AGPS: variants seen among roughly 807,000 people sequenced by gnomAD.
AGPS encodes alkylglycerone phosphate synthase, also known as alkyldihydroxyacetonephosphate synthase, peroxisomal.
A neutral mutation model predicts 90.7 loss-of-function variants in AGPS; 26 were observed. The ratio of observed to expected loss-of-function variants is 0.29; its 90% CI spans 0.21 to 0.40. The LOEUF (loss-of-function observed/expected upper bound fraction) is 0.40, where lower values mean the gene tolerates loss of function less well. Among genes scored for constraint, AGPS ranks in the 10% least tolerant of loss-of-function variants. The probability of loss-of-function intolerance (pLI) is 1.00; values close to 1 mark genes in which losing one functional copy is unlikely to be tolerated. For missense variants in AGPS, 540 were observed against 816.1 expected (o/e 0.66, Z 4.12); for synonymous variants, 294 against 285.3 (o/e 1.03, Z -0.31).
chr2:177,460,263 A>G (rs1263816838), intron 8 of AGPS, among the ~76,000 whole-genome samples: 2 of 152,184 alleles, frequency 1.3e-5, no homozygotes, highest in African/African-American at 4.8e-5. Flanking sequence ...GTGTATACCT[A>G]TGTAACAAAA....
chr2:177,403,632 A>T lies in AGPS; in HGVS notation c.260+10583A>T, dbSNP rs562697649. On this transcript the variant is annotated intron_variant, in intron 1 of 19. Transcript: ENST00000264167. Reference sequence around the variant, plus strand: ...TTGCAGAAAAAAATAGAAAATAATAATCAAAATGAAGACTAACATTAAGAG... The same window carrying T: ...TTGCAGAAAAAAATAGAAAATAATATTCAAAATGAAGACTAACATTAAGAG... Among the ~76,000 whole-genome samples, 7 of 152,316 alleles carry T rather than the reference A, an allele frequency of 4.6e-5. No homozygotes were observed. The South Asian group carries it at 1.5e-3, about 32-fold the overall frequency.
intron 1 of AGPS, among the ~76,000 whole-genome samples, chr2:177,397,428 C>T (rs150244834): frequency 6.7e-6 from 1 of 150,300 alleles, no homozygotes; most frequent in African/African-American, 2.4e-5. Context: ...ATGTCAATTA[C>T]ATATGTGACA....
intron 8 of AGPS, among the ~76,000 whole-genome samples, chr2:177,449,331 T>C (rs1184064100): frequency 6.6e-6 from 1 of 152,242 alleles, no homozygotes; most frequent in Non-Finnish European, 1.5e-5. Context: ...GAGTTCCAGT[T>C]TCTCCATATC....
chr2:177,493,158 C>T lies in AGPS; in HGVS notation c.1244C>T (p.Pro415Leu), dbSNP rs144444120. ...LREIAKQRCA[P>L]ASIRLMDNKQ... ...TTCTTTTTAAAACAGAGATGTGCTC[C>T]GGCATCTATTCGCCTCATGGACAAC... Residue 415 changes from proline (P) to leucine (L), a missense_variant, in exon 12 of 20, where the codon CCG (proline) becomes CTG (leucine). Transcript: ENST00000264167. 5.1e-5 allele frequency: 83 copies of T among 1,612,952 alleles called. No individual in the cohort carries two copies. Among genetic ancestry groups the T allele is most frequent in the Middle Eastern group, 1.7e-4 (1 of 6,006 alleles).
At chr2:177,454,932 G>A (rs935617333) in intron 8 of AGPS, among the ~76,000 whole-genome samples, 3 of 152,024 alleles carry the variant, frequency 2.0e-5, no homozygotes, top group Admixed American at 1.3e-4. Flanking sequence ...TAATCTACTG[G>A]TGTCCAGCCC....
At chr2:177,433,942 A>G (rs1404365386) in intron 2 of AGPS, among the ~76,000 whole-genome samples, 1 of 151,910 alleles carries the variant, frequency 6.6e-6, no homozygotes, top group Non-Finnish European at 1.5e-5. Flanking sequence ...TTCACCCCAA[A>G]CACTGTGCTC....
intron 8 of AGPS, among the ~76,000 whole-genome samples, chr2:177,459,047 CA>C (rs1456807684): frequency 6.6e-6 from 1 of 152,172 alleles, no homozygotes; most frequent in Non-Finnish European, 1.5e-5. Flanking sequence ...TAATCTTTCA[CA>C]AACCTGATAC....
At chr2:177,474,678 A>G (rs948798895) in intron 10 of AGPS, among the ~76,000 whole-genome samples, 1 of 152,172 alleles carries the variant, frequency 6.6e-6, no homozygotes, top group Non-Finnish European at 1.5e-5. Flanking sequence ...CCATCTATGT[A>G]TATATTTTTT....
intron 19 of AGPS, among the ~76,000 whole-genome samples, chr2:177,529,420 G>A (rs2079117595): frequency 6.6e-6 from 1 of 152,034 alleles, no homozygotes; most frequent in African/African-American, 2.4e-5. Flanking sequence ...CAGTGAGCTG[G>A]CATCGCACCA....
intron 17 of AGPS, among the ~76,000 whole-genome samples, chr2:177,516,287 AT>A (rs1360783192): frequency 6.6e-6 from 1 of 152,170 alleles, no homozygotes; most frequent in Non-Finnish European, 1.5e-5. Context: ...TGGAATAGAA[AT>A]TCCAGTCCAA....
chr2:177,459,677 G>A (rs528821240), intron 8 of AGPS, among the ~76,000 whole-genome samples: 1 of 152,318 alleles, frequency 6.6e-6, no homozygotes, highest in Non-Finnish European at 1.5e-5. Context: ...AACATATGCT[G>A]GAGAGGTTGT....
intron 17 of AGPS, among the ~76,000 whole-genome samples, chr2:177,516,672 T>C (rs1409232888): frequency 6.6e-6 from 1 of 152,142 alleles, no homozygotes; most frequent in African/African-American, 2.4e-5. Context: ...GTGTAATACA[T>C]AGATGCTGGA....
At chr2:177,480,098 T>C (rs888399613) in intron 10 of AGPS, among the ~76,000 whole-genome samples, 1 of 152,122 alleles carries the variant, frequency 6.6e-6, no homozygotes, top group Non-Finnish European at 1.5e-5. Context: ...AGAATTTACT[T>C]GAACCCAGGA....
intron 2 of AGPS, among the ~76,000 whole-genome samples, chr2:177,428,748 C>T (rs574416478): frequency 6.6e-6 from 1 of 152,244 alleles, no homozygotes; most frequent in African/African-American, 2.4e-5. Flanking sequence ...CTACCCATAA[C>T]ATTTTTTCTC....
chr2:177,480,389 A>G (rs1241819627), intron 10 of AGPS, among the ~76,000 whole-genome samples: 1 of 152,324 alleles, frequency 6.6e-6, no homozygotes, highest in East Asian at 1.9e-4. Context: ...ATGGAATACT[A>G]TGCAGCCATA....
Position 177,470,435 on chromosome 2 carries a change from G to A in AGPS, c.1105+1911G>A, listed in dbSNP as rs552725031. On this transcript the variant is annotated intron_variant, in intron 10 of 19. Coordinates refer to ENST00000264167, the MANE Select transcript of AGPS (RefSeq NM_003659.4). The stretch of plus-strand genomic sequence containing the variant: ...TATAAGAGATTGGGCTGGGCGTGGT[G>A]GCTCACACCTGTAATCCCAGCACTT... Among the ~76,000 whole-genome samples, 32 of 152,234 alleles carry A rather than the reference G, an allele frequency of 2.1e-4. No individual in the cohort carries two copies. The South Asian group carries it at 6.4e-3, about 31-fold the overall frequency.
At chr2:177,506,343 T>C (rs1426288724) in intron 15 of AGPS, among the ~76,000 whole-genome samples, 1 of 151,740 alleles carries the variant, frequency 6.6e-6, no homozygotes, top group African/African-American at 2.4e-5. Context: ...GTTTTAATTA[T>C]AAAAATTTTT....
chr2:177,470,758 T>A (rs10803911), intron 10 of AGPS, among the ~76,000 whole-genome samples: 129,216 of 149,808 alleles, frequency 0.86, 55,928 homozygotes, highest in East Asian at 0.95. Flanking sequence ...AATTTATGAG[T>A]CTAAATTACC....
chr2:177,513,722 T>C (rs1688947114), intron 16 of AGPS, 97 bp from the exon 17 acceptor site: 2 of 873,524 alleles, frequency 2.3e-6, no homozygotes, highest in East Asian at 5.1e-5. Context: ...GCTAAGAAAA[T>C]GTCAGACTTG....
Sources: gnomAD v4.1 joint callset for allele counts (sites outside exome capture counted in the v4.1 genomes callset) on GRCh38, gnomAD v4.1.1 for gene constraint, MANE v1.5 for transcripts, NCBI Gene and HGNC (gene_info 2026-07-23, HGNC 2026-07-21) for gene names.